DAB1: variants seen among roughly 807,000 people sequenced by gnomAD.
The protein encoded by DAB1 is disabled homolog 1.
Under a neutral mutation model 64.6 loss-of-function variants are expected in DAB1, and 15 were observed. The observed-to-expected ratio is 0.23, with a 90% CI of 0.16 to 0.36. The LOEUF (loss-of-function observed/expected upper bound fraction) is 0.36. Among genes scored for constraint, DAB1 ranks in the 10% least tolerant of loss-of-function variants. The pLI, the probability that DAB1 is intolerant of heterozygous loss-of-function variation, is 1.00. For missense variants in DAB1, 596 were observed against 706.7 expected (o/e 0.84, Z 1.78); for synonymous variants, 235 against 251.9 (o/e 0.93, Z 0.64).
chr1:57,238,789 G>T (rs1487658668), intron 2 of DAB1, among the ~76,000 whole-genome samples: 1 of 151,450 alleles, frequency 6.6e-6, no homozygotes, highest in African/African-American at 2.4e-5. Flanking sequence ...AATAAGGGGA[G>T]AGAAGAAAAA....
chr1:57,972,100 C>T lies in DAB1; in HGVS notation n.388-87938G>A, dbSNP rs1484787675. ...AGATACCATTGTGATTAATAAAGTA[C>T]ATATTTATTCAAAAGCATAAGTTGA... On this transcript the variant is annotated intron_variant and non_coding_transcript_variant, in intron 5 of 20. Transcript: ENST00000485760. Among the ~76,000 whole-genome samples, 4 of 152,288 alleles carry T rather than the reference C, an allele frequency of 2.6e-5. No homozygotes were observed. The East Asian group carries it at 7.7e-4, about 29-fold the overall frequency.
chr1:57,189,433 C>T (rs532816908), intron 2 of DAB1, among the ~76,000 whole-genome samples: 2 of 152,250 alleles, frequency 1.3e-5, no homozygotes, highest in African/African-American at 2.4e-5. Flanking sequence ...TTAGCCCTCC[C>T]TAATCCAAAA....
intron 5 of DAB1, among the ~76,000 whole-genome samples, chr1:57,981,300 G>A (rs928211798): frequency 1.3e-5 from 2 of 151,966 alleles, no homozygotes; most frequent in Admixed American, 6.6e-5. Flanking sequence ...AAATATAAGC[G>A]AAGAAGGAGG....
At chr1:57,737,251 G>A (rs1164930287) in intron 6 of DAB1, among the ~76,000 whole-genome samples, 1 of 152,182 alleles carries the variant, frequency 6.6e-6, no homozygotes, top group African/African-American at 2.4e-5. Context: ...TGCTTGTTGA[G>A]GCAGTGCACT....
chr1:58,003,599 T>A lies in DAB1; in HGVS notation n.388-119437A>T, dbSNP rs561104667. On this transcript the variant is annotated intron_variant and non_coding_transcript_variant, in intron 5 of 20. Transcript: ENST00000485760. ...CAGGACTGTTCTGCTCTTTGTGTGCTGACTTCAGTATTCAGTCTGCCTGTC... is the reference window on the plus strand; with the variant it reads ...CAGGACTGTTCTGCTCTTTGTGTGCAGACTTCAGTATTCAGTCTGCCTGTC... 5.9e-5 allele frequency among the ~76,000 whole-genome samples: 9 copies of A among 152,350 alleles called. No individual in the cohort carries two copies. In the East Asian group the frequency reaches 1.7e-3, roughly 29 times the overall value.
At chr1:57,475,157 A>T (rs1185083286) in intron 7 of DAB1, among the ~76,000 whole-genome samples, 1 of 152,132 alleles carries the variant, frequency 6.6e-6, no homozygotes, top group East Asian at 1.9e-4. Context: ...CCCACCTGTA[A>T]TCCCAGCTAC....
At chr1:57,933,664 G>A (rs1045564799) in intron 5 of DAB1, among the ~76,000 whole-genome samples, 14 of 152,000 alleles carry the variant, frequency 9.2e-5, no homozygotes, top group African/African-American at 3.1e-4. Flanking sequence ...AGCTTTTGCT[G>A]GAATAAACAG....
At chr1:57,299,564 C>T (rs59304435) in intron 1 of DAB1, among the ~76,000 whole-genome samples, 2,797 of 152,310 alleles carry the variant, frequency 0.018, 96 homozygotes, top group African/African-American at 0.063. Context: ...CATTAAGTAT[C>T]TATAGCACCA....
chr1:57,231,312 T>A (rs1667659096), intron 2 of DAB1, among the ~76,000 whole-genome samples: 1 of 152,224 alleles, frequency 6.6e-6, no homozygotes, highest in Admixed American at 6.5e-5. Flanking sequence ...TGGGTATCCA[T>A]AGTTAATACA....
At chr1:58,180,530 A>C (rs2100783011) in intron 4 of DAB1, among the ~76,000 whole-genome samples, 1 of 151,940 alleles carries the variant, frequency 6.6e-6, no homozygotes, top group African/African-American at 2.4e-5. Context: ...TCTGAGCTCA[A>C]GCAATCCTCT....
chr1:57,582,962 TC>T (rs1437257725), intron 7 of DAB1, among the ~76,000 whole-genome samples: 1 of 152,116 alleles, frequency 6.6e-6, no homozygotes, highest in Non-Finnish European at 1.5e-5. Flanking sequence ...CTGATGAAAA[TC>T]CCTTTTCTTC....
intron 6 of DAB1, among the ~76,000 whole-genome samples, chr1:57,771,189 A>C (rs571185532): frequency 1.4e-4 from 22 of 152,258 alleles, no homozygotes; most frequent in African/African-American, 5.3e-4. Context: ...ACAGCTGATA[A>C]GTGGCAGACT....
chr1:57,226,487 T>C (rs1667263569), intron 2 of DAB1, among the ~76,000 whole-genome samples: 1 of 151,958 alleles, frequency 6.6e-6, no homozygotes, highest in African/African-American at 2.4e-5. Context: ...GCTCTATCTT[T>C]AAAATCTAGG....
chr1:57,293,440 G>C (rs1354984612), intron 1 of DAB1, among the ~76,000 whole-genome samples: 1 of 152,150 alleles, frequency 6.6e-6, no homozygotes, highest in Non-Finnish European at 1.5e-5. Flanking sequence ...GGGGATAATA[G>C]TGCCCACTGG....
In DAB1 at chr1:58,488,146, A is replaced by G. The variant is rs545725349; in HGVS notation, n.257+17914T>C. ...AGATTTAGTAAAAACTCATGAAAAT[A>G]TAACTACATCATTATAAAGTTCATT... is the stretch of plus-strand genomic sequence containing the variant. On this transcript the variant is annotated intron_variant and non_coding_transcript_variant, in intron 3 of 20. Coordinates refer to the DAB1 transcript ENST00000485760. 5.3e-5 allele frequency among the ~76,000 whole-genome samples: 8 copies of G among 152,316 alleles called. No individual in the cohort carries two copies. In the East Asian group the frequency reaches 1.3e-3, roughly 26 times the overall value.
chr1:58,371,877 G>A (rs1210264202), intron 3 of DAB1, among the ~76,000 whole-genome samples: 1 of 152,182 alleles, frequency 6.6e-6, no homozygotes, highest in African/African-American at 2.4e-5. Flanking sequence ...CAAGAGTTGA[G>A]CTTTTGGAAC....
chr1:58,274,961 G>A (rs1298374691), intron 4 of DAB1, among the ~76,000 whole-genome samples: 5 of 151,878 alleles, frequency 3.3e-5, no homozygotes, highest in Non-Finnish European at 7.4e-5. Context: ...GAAATCACCG[G>A]TCTTCTGCAT....
At chr1:57,144,505 C>T (rs890465431) in intron 3 of DAB1, among the ~76,000 whole-genome samples, 3 of 151,934 alleles carry the variant, frequency 2.0e-5, no homozygotes, top group Non-Finnish European at 4.4e-5. Flanking sequence ...ACCAGCCTGA[C>T]CAACATGGTG....
At chr1:57,221,293 T>C (rs1425285643) in intron 2 of DAB1, among the ~76,000 whole-genome samples, 1 of 152,088 alleles carries the variant, frequency 6.6e-6, no homozygotes, top group Non-Finnish European at 1.5e-5. Flanking sequence ...ATATACCTAA[T>C]GTAAATGACG....
Sources: gnomAD v4.1 joint callset for allele counts (sites outside exome capture counted in the v4.1 genomes callset) on GRCh38, gnomAD v4.1.1 for gene constraint, MANE v1.5 for transcripts, NCBI Gene and HGNC (gene_info 2026-07-23, HGNC 2026-07-21) for gene names.